DOCK1: variants seen among roughly 807,000 people sequenced by gnomAD.
DOCK1 encodes the protein dedicator of cytokinesis protein 1.
A neutral mutation model predicts 262.7 loss-of-function variants in DOCK1; 138 were observed. The observed-to-expected ratio is 0.53, with a 90% CI of 0.46 to 0.61. DOCK1 has a LOEUF of 0.61. Among genes scored for constraint, DOCK1 ranks in the 20% least tolerant of loss-of-function variants. The pLI, the probability that DOCK1 is intolerant of heterozygous loss-of-function variation, is 0.00. For missense variants in DOCK1, 1,908 were observed against 2,370.7 expected (o/e 0.80, Z 4.05); for synonymous variants, 866 against 867.4 (o/e 1.00, Z 0.03).
intron 21 of DOCK1, among the ~76,000 whole-genome samples, chr10:127,048,723 A>G (rs2044511468): frequency 6.6e-6 from 1 of 152,216 alleles, no homozygotes; most frequent in African/African-American, 2.4e-5. Context: ...TGGACAGCTC[A>G]GAAACAGGTT....
At chr10:127,053,209 G>T (rs1027720502) in intron 22 of DOCK1, among the ~76,000 whole-genome samples, 2 of 152,226 alleles carry the variant, frequency 1.3e-5, no homozygotes, top group African/African-American at 4.8e-5. Flanking sequence ...GGGCGCAGTG[G>T]CTCACGCCTG....
At chr10:127,226,750 AAAACAAACAAAC>A (rs147379947) in intron 27 of DOCK1, among the ~76,000 whole-genome samples, 1 of 151,630 alleles carries the variant, frequency 6.6e-6, no homozygotes, top group Non-Finnish European at 1.5e-5. Context: ...TCTCAGAATG[AAAACAAACAAAC>A]AAACAAACAA....
intron 44 of DOCK1, among the ~76,000 whole-genome samples, chr10:127,417,996 C>G (rs545339973): frequency 1.3e-5 from 2 of 151,012 alleles, no homozygotes; most frequent in South Asian, 4.2e-4. Context: ...TCAAAATTCC[C>G]GAACATCTTC....
At chr10:127,177,794 C>T (rs969304073) in intron 27 of DOCK1, among the ~76,000 whole-genome samples, 4 of 152,260 alleles carry the variant, frequency 2.6e-5, no homozygotes, top group Non-Finnish European at 5.9e-5. Flanking sequence ...GTTCGAGTGC[C>T]AGATGCTCTG....
At chr10:126,978,150 T>C (rs2038689000) in intron 3 of DOCK1, among the ~76,000 whole-genome samples, 162 bp downstream of exon 3, 1 of 152,218 alleles carries the variant, frequency 6.6e-6, no homozygotes, top group Non-Finnish European at 1.5e-5. Flanking sequence ...TGGATTGTTT[T>C]CTTCTGAACA....
chr10:127,248,087 G>A lies in DOCK1; in HGVS notation c.2927G>A (p.Gly976Glu), dbSNP rs1383037723. 9.9e-6 allele frequency: 16 copies of A among 1,613,768 alleles called. No homozygotes were observed. Among genetic ancestry groups the A allele is most frequent in the East Asian group, 2.2e-5 (1 of 44,894 alleles). Residue 976 changes from glycine (G) to glutamate (E), a missense_variant, in exon 28 of 52, where the codon GGG becomes GAG. Physicochemically the swap from Gly to Glu is moderately conservative, Grantham distance 98. Around this residue, in one of 9 missense-constraint regions of DOCK1, gnomAD observed 518 missense variants for 575.1 expected, o/e 0.90. Transcript: ENST00000623213. ...YHYAHLIKTF[G>E]KMRTDVVDFL... ...TATGCCCACTTGATCAAGACTTTTG[G>A]GAAAATGAGGACTGATGTGGTAGTA...
chr10:127,445,308 G>A (rs1298261838), intron 50 of DOCK1, among the ~76,000 whole-genome samples: 1 of 152,164 alleles, frequency 6.6e-6, no homozygotes, highest in East Asian at 1.9e-4. Context: ...CCTGTGGCGA[G>A]GGCTGTGCAA....
At chr10:127,219,646 C>T (rs117313446) in intron 27 of DOCK1, among the ~76,000 whole-genome samples, 8 of 152,276 alleles carry the variant, frequency 5.3e-5, no homozygotes, top group Non-Finnish European at 8.8e-5. Context: ...ATTTCTCCCT[C>T]CTCTCAGCAC....
chr10:127,308,098 CCCTT>C (rs1181481673), intron 29 of DOCK1, among the ~76,000 whole-genome samples: 4 of 152,342 alleles, frequency 2.6e-5, no homozygotes, highest in Non-Finnish European at 5.9e-5. Context: ...CAGACTGTGT[CCCTT>C]CCTTCAATTC....
intron 29 of DOCK1, among the ~76,000 whole-genome samples, chr10:127,318,393 A>G (rs2135546539): frequency 6.6e-6 from 1 of 152,278 alleles, no homozygotes; most frequent in South Asian, 2.1e-4. Flanking sequence ...CGGTTCTCTA[A>G]GAGTGTGTGA....
At chr10:127,370,875 C>T (rs959477312) in intron 33 of DOCK1, among the ~76,000 whole-genome samples, 19 of 152,164 alleles carry the variant, frequency 1.2e-4, no homozygotes, top group Non-Finnish European at 2.2e-4. Context: ...TTCAGTTGGA[C>T]ACCCTGTGAA....
At chr10:127,388,469 C>T (rs1489160896) in intron 38 of DOCK1, among the ~76,000 whole-genome samples, 1 of 152,116 alleles carries the variant, frequency 6.6e-6, no homozygotes, top group Non-Finnish European at 1.5e-5. Flanking sequence ...AGCTGCAAGG[C>T]AAAAAATTCA....
chr10:127,221,195 A>C (rs1425721608), intron 27 of DOCK1, among the ~76,000 whole-genome samples: 1 of 152,208 alleles, frequency 6.6e-6, no homozygotes, highest in African/African-American at 2.4e-5. Flanking sequence ...GGGTGGAACC[A>C]TTATCAAAGG....
intron 1 of DOCK1, among the ~76,000 whole-genome samples, chr10:126,920,644 C>T (rs753804127): frequency 1.3e-5 from 2 of 152,186 alleles, no homozygotes; most frequent in African/African-American, 2.4e-5. Context: ...CACAGATTGG[C>T]AAGCTTTTTC....
intron 23 of DOCK1, among the ~76,000 whole-genome samples, chr10:127,072,377 G>A (rs895627498): frequency 3.3e-5 from 5 of 152,190 alleles, no homozygotes; most frequent in African/African-American, 7.2e-5. Context: ...CAAGGCAGGC[G>A]TGAACTCAGT....
At chr10:126,939,896 A>G (rs2034860106) in intron 1 of DOCK1, among the ~76,000 whole-genome samples, 1 of 151,998 alleles carries the variant, frequency 6.6e-6, no homozygotes, top group African/African-American at 2.4e-5. Context: ...AATGAAGGAG[A>G]CTGCTTCCTT....
At chr10:127,021,822 C>T (rs2042444964) in intron 13 of DOCK1, among the ~76,000 whole-genome samples, 1 of 150,968 alleles carries the variant, frequency 6.6e-6, no homozygotes, top group Non-Finnish European at 1.5e-5. Context: ...CAAAATAGAG[C>T]AGTTTAAAAG....
At chr10:127,085,237 A>G (rs2047126620) in intron 23 of DOCK1, among the ~76,000 whole-genome samples, 1 of 152,310 alleles carries the variant, frequency 6.6e-6, no homozygotes, top group South Asian at 2.1e-4. Context: ...ATCAGTGCCA[A>G]CTAAACAAAT....
At chr10:127,448,407 T>C (rs1486078530) in intron 51 of DOCK1, among the ~76,000 whole-genome samples, 1 of 152,176 alleles carries the variant, frequency 6.6e-6, no homozygotes, top group African/African-American at 2.4e-5. Context: ...TCTAGAAACA[T>C]TCTTTTGAGA....
Sources: allele counts gnomAD v4.1 joint callset (sites outside exome capture counted in the v4.1 genomes callset), GRCh38; gene constraint gnomAD v4.1.1; regional missense constraint gnomAD v4.1.1; transcripts MANE v1.5; gene names NCBI Gene and HGNC (gene_info 2026-07-23, HGNC 2026-07-21).